Variants in RPS6KA1 observed in about 807,000 individuals in gnomAD.
RPS6KA1 encodes the protein ribosomal protein S6 kinase A1.
Under a neutral mutation model 91.3 loss-of-function variants are expected in RPS6KA1, and 48 were observed. The observed-to-expected ratio is 0.53, with a 90% CI of 0.42 to 0.67. The LOEUF (loss-of-function observed/expected upper bound fraction) is 0.67. RPS6KA1 is among the 30% of genes least tolerant of loss of function. The pLI is 0.00. For missense variants in RPS6KA1, 719 were observed against 960.5 expected (o/e 0.75, Z 3.32); for synonymous variants, 359 against 384.7 (o/e 0.93, Z 0.78).
intron 17 of RPS6KA1, among the ~76,000 whole-genome samples, chr1:26,568,357 C>G (rs888283711): frequency 6.6e-6 from 1 of 152,224 alleles, no homozygotes; most frequent in African/African-American, 2.4e-5. Flanking sequence ...CTTCCCCTCC[C>G]CCACTCACCA....
chr1:26,555,613 G>A lies in RPS6KA1; in HGVS notation c.904G>A (p.Ala302Thr). The A allele has an allele frequency of 6.3e-7, 1 of 1,597,306 alleles. No homozygotes were observed. Among genetic ancestry groups the A allele is most frequent in the South Asian group, 1.1e-5 (1 of 88,496 alleles). ...GCGGGCCCTGTTCAAGCGGAATCCT[G>A]CCAACCGGCTCGGTAAGCAGCCCCA... ...LLRALFKRNP[A>T]NRLGSGPDGA... Residue 302 changes from alanine (A) to threonine (T), a missense_variant, in exon 11 of 22, where the codon GCC becomes ACC. Physicochemically the swap from Ala to Thr is moderately conservative, Grantham distance 58 (BLOSUM62 0). Around this residue, in one of 5 missense-constraint regions of RPS6KA1, gnomAD observed 228 missense variants for 247.6 expected, o/e 0.92. Transcript: ENST00000374168. The surrounding 1 kb of genome is among the most constrained non-coding windows in gnomAD (Gnocchi z 4.3).
intron 1 of RPS6KA1, among the ~76,000 whole-genome samples, chr1:26,532,650 A>T (rs1570415784): frequency 6.6e-6 from 1 of 152,200 alleles, no homozygotes; most frequent in Non-Finnish European, 1.5e-5. Flanking sequence ...TGGGCTCAGA[A>T]CCCAGCTCCT....
intron 2 of RPS6KA1, chr1:26,546,065 C>T (rs1166710846): frequency 6.2e-7 from 1 of 1,606,372 alleles, no homozygotes; most frequent in African/African-American, 1.3e-5. Context: ...TGGTCCTGAC[C>T]TGGCTGTGTC....
intron 17 of RPS6KA1, among the ~76,000 whole-genome samples, chr1:26,563,580 G>A (rs1020347334): frequency 6.6e-6 from 1 of 152,032 alleles, no homozygotes; most frequent in African/African-American, 2.4e-5. Flanking sequence ...AGATTTCAAG[G>A]GTACATTCTG....
At position 26,556,682 on chromosome 1, in the gene RPS6KA1, C is replaced by G; in HGVS notation, c.945C>G (p.Ile315Met). 1.9e-6 allele frequency: 3 copies of G among 1,614,208 alleles called. No homozygotes were observed. Among genetic ancestry groups the G allele is most frequent in the Non-Finnish European group, 2.5e-6 (3 of 1,180,034 alleles). ...CCGGCCCTGATGGGGCAGAGGAAAT[C>G]AAGCGGCATGTCTTCTACTCCACCA... is the stretch of plus-strand genomic sequence containing the variant. ...LGSGPDGAEE[I>M]KRHVFYSTID... Residue 315 changes from isoleucine to methionine, a missense_variant, in exon 12 of 22, where the codon ATC (isoleucine) becomes ATG (methionine). Ile to Met is a conservative substitution (Grantham distance 10, BLOSUM62 1). Coordinates refer to ENST00000374168, the MANE Select transcript of RPS6KA1 (RefSeq NM_002953.4).
chr1:26,557,487 G>C (rs2076113029), intron 13 of RPS6KA1, among the ~76,000 whole-genome samples: 1 of 152,128 alleles, frequency 6.6e-6, no homozygotes, highest in Non-Finnish European at 1.5e-5. Context: ...GCTGAGCAGA[G>C]GTGACAGTGC....
rs188143390 is a variant in RPS6KA1 at position 26,535,752 on chromosome 1, G to C, written c.64-1173G>C. On this transcript the variant is annotated intron_variant, in intron 1 of 21. Transcript: ENST00000374168. The stretch of plus-strand genomic sequence containing the variant: ...CCAGATTTTGAATCCCCACTCACCA[G>C]TTGTGTGACCATAGGCATCATCACT... Among the ~76,000 whole-genome samples, 153 of 152,220 alleles carry C rather than the reference G, an allele frequency of 1.0e-3. 2 individuals carry two copies. Among genetic ancestry groups the C allele is most frequent in the African/African-American group, 3.6e-3 (150 of 41,516 alleles).
intron 2 of RPS6KA1, chr1:26,544,199 G>A (rs776467653): frequency 1.5e-5 from 7 of 456,118 alleles, no homozygotes; most frequent in Non-Finnish European, 3.1e-5. Flanking sequence ...TCTGCTTGGG[G>A]CTCGCTGACT....
intron 2 of RPS6KA1, among the ~76,000 whole-genome samples, chr1:26,539,476 C>T (rs1157630155): frequency 6.6e-6 from 1 of 152,148 alleles, no homozygotes; most frequent in Non-Finnish European, 1.5e-5. Flanking sequence ...TTTTATTTGC[C>T]TTGTAACCTT....
At position 26,554,728 on chromosome 1, in the gene RPS6KA1, G is replaced by T; in HGVS notation, c.746G>T (p.Gly249Val). The change falls in exon 9 of 22, where the codon GGG (glycine) becomes GTG (valine). Residue 249 changes from glycine to valine, a missense_variant. Coordinates refer to ENST00000374168, the MANE Select transcript of RPS6KA1 (RefSeq NM_002953.4). The surrounding 1 kb of genome is among the most constrained non-coding windows in gnomAD (Gnocchi z 4.6). ...CATAGTGCGGACTGGTGGTCCTATG[G>T]GGTGTTGATGGTGAGTGCCCAGACA... ...HSHSADWWSY[G>V]VLMFEMLTGS... 6.2e-7 allele frequency: 1 copy of T among 1,600,872 alleles called. No homozygotes were observed. Among genetic ancestry groups the T allele is most frequent in the Non-Finnish European group, 8.5e-7 (1 of 1,169,758 alleles).
chr1:26,555,593 C>A lies in RPS6KA1; in HGVS notation c.884C>A (p.Ala295Asp). 6.2e-7 allele frequency: 1 copy of A among 1,601,708 alleles called. No individual in the cohort carries two copies. The highest frequency in any genetic ancestry group is 8.5e-7 in the Non-Finnish European group (1 of 1,173,530). Residue 295 changes from alanine (A) to aspartate (D), a missense_variant, in exon 11 of 22, where the codon GCC becomes GAC. This residue lies in a region of RPS6KA1 where 228 missense variants were observed against 247.6 expected (regional missense o/e 0.92). Coordinates refer to ENST00000374168, the MANE Select transcript of RPS6KA1 (RefSeq NM_002953.4). The surrounding 1 kb of genome is among the most constrained non-coding windows in gnomAD (Gnocchi z 4.3). ...LSTEAQSLLR[A>D]LFKRNPANRL... The stretch of plus-strand genomic sequence containing the variant: ...ACTGAAGCCCAGAGCCTCTTGCGGG[C>A]CCTGTTCAAGCGGAATCCTGCCAAC...
chr1:26,574,585 C>G lies in RPS6KA1; in HGVS notation c.*384C>G. 2.5e-6 allele frequency: 1 copy of G among 402,758 alleles called. No individual in the cohort carries two copies. Among genetic ancestry groups the G allele is most frequent in the South Asian group, 1.9e-5 (1 of 53,104 alleles). The allele number at this position is 402,758 out of a possible 1,614,324, so 24.9% of individuals were successfully genotyped here. The stretch of plus-strand genomic sequence containing the variant: ...CTTTAGAGCAGCTTTGGGATCCCAC[C>G]CTGGGGACCCCCACGATTGGCCACC... On this transcript the variant is annotated 3_prime_UTR_variant, in exon 22 of 22. Transcript: ENST00000374168. The surrounding 1 kb of genome is among the most constrained non-coding windows in gnomAD (Gnocchi z 4.3).
intron 1 of RPS6KA1, among the ~76,000 whole-genome samples, chr1:26,533,369 T>A (rs1415784255): frequency 7.9e-5 from 12 of 152,114 alleles, no homozygotes; most frequent in Non-Finnish European, 1.6e-4. Flanking sequence ...GTGCTGGGAT[T>A]ACAGACATGA....
intron 17 of RPS6KA1, among the ~76,000 whole-genome samples, chr1:26,565,754 A>G (rs372489422): frequency 2.0e-5 from 3 of 151,496 alleles, no homozygotes; most frequent in South Asian, 2.1e-4. Flanking sequence ...TAGAGGCGGG[A>G]TTTCACCATG....
intron 4 of RPS6KA1, among the ~76,000 whole-genome samples, chr1:26,549,406 A>C (rs900446729): frequency 6.6e-6 from 1 of 151,900 alleles, no homozygotes; most frequent in Non-Finnish European, 1.5e-5. Context: ...CCCTGTCTCT[A>C]CTAAAAATAC....
intron 2 of RPS6KA1, among the ~76,000 whole-genome samples, chr1:26,544,408 C>G (rs2075974133): frequency 6.6e-6 from 1 of 152,008 alleles, no homozygotes; most frequent in Non-Finnish European, 1.5e-5. Context: ...CCCCTTCTGT[C>G]TTTGCCTGTT....
Position 26,560,858 on chromosome 1 carries a change from C to T in RPS6KA1, c.1341+7C>T, listed in dbSNP as rs1305276417. The T allele has an allele frequency of 1.2e-6, 2 of 1,614,052 alleles. No homozygotes were observed. Among genetic ancestry groups the T allele is most frequent in the Non-Finnish European group, 1.7e-6 (2 of 1,180,038 alleles). On this transcript the variant is annotated splice_region_variant and intron_variant, in intron 15 of 21. Transcript: ENST00000374168. ...CATGGAGTATGCTGTCAAGGTGGGC[C>T]TCCTGACCACGTCTCGGCCAAGGCT...
At chr1:26,563,675 T>C (rs1264104176) in intron 17 of RPS6KA1, among the ~76,000 whole-genome samples, 1 of 152,246 alleles carries the variant, frequency 6.6e-6, no homozygotes, top group East Asian at 1.9e-4. Context: ...GTATATGAGT[T>C]CTGTGGAATG....
chr1:26,536,389 G>A (rs1176572827), intron 1 of RPS6KA1, among the ~76,000 whole-genome samples: 1 of 152,200 alleles, frequency 6.6e-6, no homozygotes, highest in East Asian at 1.9e-4. Context: ...GCCTGGCAAG[G>A]TCAGGGGAGG....
Sources: gnomAD v4.1 joint callset for allele counts (sites outside exome capture counted in the v4.1 genomes callset) on GRCh38, gnomAD v4.1.1 for gene constraint, gnomAD v4.1.1 regional missense constraint, Gnocchi (gnomAD v3.1) non-coding constraint, MANE v1.5 for transcripts, NCBI Gene and HGNC (gene_info 2026-07-23, HGNC 2026-07-21) for gene names.